TLN2: variants seen among roughly 807,000 people sequenced by gnomAD.
TLN2 encodes talin 2, also known as talin-2.
TLN2 carries 118 observed loss-of-function variants against 294.7 expected under a neutral mutation model. The observed-to-expected ratio is 0.40, with a 90% CI of 0.34 to 0.47. The LOEUF is 0.47. TLN2 is among the 20% of genes least tolerant of loss of function. The probability of loss-of-function intolerance (pLI) is 0.84; values close to 1 mark genes in which losing one functional copy is unlikely to be tolerated. For synonymous variants in TLN2, 1,431 were observed against 1,304.5 expected (o/e 1.10, Z -2.09); for missense variants, 3,083 against 3,282.2 (o/e 0.94, Z 1.48).
intron 1 of TLN2, among the ~76,000 whole-genome samples, chr15:62,541,374 T>C (rs2041675000): frequency 6.6e-6 from 1 of 152,244 alleles, no homozygotes; most frequent in South Asian, 2.1e-4. Flanking sequence ...TGTTATTTCT[T>C]GCTCTCGACT....
chr15:62,828,426 A>G (rs1453972294), intron 54 of TLN2: 1 of 152,244 alleles, frequency 6.6e-6, no homozygotes, highest in East Asian at 1.9e-4. Context: ...GGCAGCAACA[A>G]ACACCTTCAT....
chr15:62,593,481 T>G (rs1185032176), intron 2 of TLN2, among the ~76,000 whole-genome samples: 1 of 152,264 alleles, frequency 6.6e-6, no homozygotes, highest in Non-Finnish European at 1.5e-5. Flanking sequence ...ATGCATTTTT[T>G]GGCTAATTAT....
At chr15:62,444,010 T>A (rs541086898) in intron 1 of TLN2, among the ~76,000 whole-genome samples, 3 of 152,300 alleles carry the variant, frequency 2.0e-5, no homozygotes, top group Non-Finnish European at 4.4e-5. Flanking sequence ...GGGGAGAATC[T>A]GTTTTCTAGC....
chr15:62,685,353 C>T (rs568798668), intron 11 of TLN2, among the ~76,000 whole-genome samples: 1 of 152,102 alleles, frequency 6.6e-6, no homozygotes, highest in Admixed American at 6.6e-5. Context: ...TGGATTGTTT[C>T]ATCTACAGCC....
At chr15:62,575,157 T>G (rs1333113179) in intron 1 of TLN2, among the ~76,000 whole-genome samples, 1 of 151,794 alleles carries the variant, frequency 6.6e-6, no homozygotes, top group African/African-American at 2.4e-5. Context: ...CACCAAAAAT[T>G]TAAAAATTGG....
chr15:62,411,480 G>C (rs1390707846), intron 1 of TLN2, among the ~76,000 whole-genome samples: 1 of 102,778 alleles, frequency 9.7e-6, no homozygotes, highest in Admixed American at 9.7e-5. Flanking sequence ...TGTGTGTTTT[G>C]TTCCCATGCT....
chr15:62,765,405 C>T lies in TLN2; in HGVS notation c.5095-916C>T, dbSNP rs141674609. On this transcript the variant is annotated intron_variant, in intron 40 of 58. Transcript: ENST00000636159. ...GAGGACACTCTGCCCGCATCCCTCC[C>T]GGCCCACAGGCAGCATTGTTCTGTG... Among the ~76,000 whole-genome samples, 1,172 of 152,052 alleles carry T rather than the reference C, an allele frequency of 7.7e-3. 17 individuals are homozygous for T. Among genetic ancestry groups the T allele is most frequent in the African/African-American group, 0.024 (976 of 41,448 alleles).
In TLN2 at chr15:62,762,447, C is replaced by G. The variant is rs780642275; in HGVS notation, c.4955C>G (p.Ser1652Cys). 7.4e-5 allele frequency: 119 copies of G among 1,613,670 alleles called. No individual in the cohort carries two copies. The highest frequency in any genetic ancestry group is 5.1e-4 in the Middle Eastern group (3 of 5,932). ...VSDSIKSLIT[S>C]IRDKAPGQRE... ...GACTCCATCAAGAGTCTCATCACTT[C>G]TATCAGGTCAGTTTCCCATCCGGAG... Residue 1652 changes from serine (S) to cysteine (C), a missense_variant, in exon 39 of 59, where the codon TCT becomes TGT. Physicochemically the swap from Ser to Cys is moderately radical, Grantham distance 112. Transcript: ENST00000636159.
intron 1 of TLN2, among the ~76,000 whole-genome samples, chr15:62,546,284 C>T (rs2041989455): frequency 6.6e-6 from 1 of 152,120 alleles, no homozygotes; most frequent in Non-Finnish European, 1.5e-5. Context: ...TTTAAGAAGC[C>T]TCCAGACAAG....
Position 62,800,388 on chromosome 15 carries a change from C to T in TLN2, c.6255C>T (p.Ile2085=). Residue 2085 remains isoleucine, a synonymous_variant, in exon 49 of 59, where the codon ATC becomes ATT. Coordinates refer to ENST00000636159, the MANE Select transcript of TLN2 (RefSeq NM_015059.3). The part of the protein sequence containing the change: ...PETQVVLINA[I]KDVAKALSDL... ...TTCAGGTGGTTTTGATCAATGCCAT[C>T]AAAGATGTGGCCAAGGCCCTTTCTG... The T allele has an allele frequency of 6.2e-7, 1 of 1,614,088 alleles. No homozygotes were observed. The highest frequency in any genetic ancestry group is 8.5e-7 in the Non-Finnish European group (1 of 1,180,022).
intron 27 of TLN2, among the ~76,000 whole-genome samples, chr15:62,725,688 A>C (rs913227632): frequency 6.6e-6 from 1 of 152,202 alleles, no homozygotes; most frequent in African/African-American, 2.4e-5. Flanking sequence ...CACACAGTGT[A>C]GTTTATCGTG....
At chr15:62,673,736 A>T in intron 9 of TLN2, 91 bp from the exon 10 acceptor site, 1 of 935,604 alleles carries the variant, frequency 1.1e-6, no homozygotes, top group East Asian at 2.4e-5. Context: ...AGACTTAGTG[A>T]GTTAACTATG....
chr15:62,462,908 C>T (rs2036887914), intron 1 of TLN2, among the ~76,000 whole-genome samples: 1 of 152,196 alleles, frequency 6.6e-6, no homozygotes, highest in Non-Finnish European at 1.5e-5. Flanking sequence ...CCTGACCGCA[C>T]AGCTGCCACC....
intron 9 of TLN2, among the ~76,000 whole-genome samples, chr15:62,661,674 G>A (rs1263580968): frequency 1.3e-5 from 2 of 152,140 alleles, no homozygotes; most frequent in Admixed American, 6.5e-5. Context: ...GAAGTTTTTT[G>A]TAAGTCCAGG....
chr15:62,501,987 C>T (rs990711607), intron 1 of TLN2, among the ~76,000 whole-genome samples: 1 of 152,136 alleles, frequency 6.6e-6, no homozygotes, highest in African/African-American at 2.4e-5. Flanking sequence ...GGGTTGGATA[C>T]CACTGCATGT....
intron 54 of TLN2, among the ~76,000 whole-genome samples, chr15:62,825,004 T>C (rs1335328086): frequency 6.6e-6 from 1 of 152,164 alleles, no homozygotes; most frequent in African/African-American, 2.4e-5. Context: ...TGCTTACAGG[T>C]GAATGCATAG....
chr15:62,637,157 G>A (rs1331686044), intron 3 of TLN2: 1 of 152,164 alleles, frequency 6.6e-6, no homozygotes, highest in Non-Finnish European at 1.5e-5. Context: ...TAGACAAATG[G>A]TAAATAATTC....
At chr15:62,793,807 C>T (rs2065251730) in intron 46 of TLN2, among the ~76,000 whole-genome samples, 1 of 120,494 alleles carries the variant, frequency 8.3e-6, no homozygotes, top group Non-Finnish European at 2.0e-5. Flanking sequence ...GTTCATAGGA[C>T]ACAGAGCTCT....
chr15:62,650,509 C>A (rs1421696100), intron 5 of TLN2, among the ~76,000 whole-genome samples: 1 of 152,010 alleles, frequency 6.6e-6, no homozygotes, highest in Non-Finnish European at 1.5e-5. Flanking sequence ...GAAGTAAGAA[C>A]AAATGAGAGG....
Sources: gnomAD v4.1 joint callset for allele counts (sites outside exome capture counted in the v4.1 genomes callset) on GRCh38, gnomAD v4.1.1 for gene constraint, MANE v1.5 for transcripts, NCBI Gene and HGNC (gene_info 2026-07-23, HGNC 2026-07-21) for gene names.